Variants in SETX observed in about 807,000 individuals in gnomAD.
SETX encodes the protein helicase senataxin.
Under a neutral mutation model 227.2 loss-of-function variants are expected in SETX, and 90 were observed. The observed-to-expected ratio is 0.40, with a 90% CI of 0.33 to 0.47. The LOEUF (loss-of-function observed/expected upper bound fraction) is 0.47. SETX is among the 20% of genes least tolerant of loss of function. SETX has a pLI of 0.91. For missense variants in SETX, 3,052 were observed against 3,181.5 expected (o/e 0.96, Z 0.98); for synonymous variants, 1,210 against 1,113.2 (o/e 1.09, Z -1.73).
intron 7 of SETX, among the ~76,000 whole-genome samples, chr9:132,332,848 G>C (rs1346685902): frequency 6.6e-6 from 1 of 151,688 alleles, no homozygotes; most frequent in East Asian, 1.9e-4. Context: ...TTGAGCCTGG[G>C]AGGTTAAGGC....
At chr9:132,351,736 G>A (rs1403975334) in intron 2 of SETX, among the ~76,000 whole-genome samples, 2 of 152,184 alleles carry the variant, frequency 1.3e-5, no homozygotes, top group Non-Finnish European at 2.9e-5. Flanking sequence ...GAAAATTATT[G>A]CTTCTAAACT....
rs1213588784 is a variant in SETX, at chr9:132,333,402, A to ATATATATAT, written c.838+1205_838+1206insATATATATA. 1.7e-3 allele frequency among the ~76,000 whole-genome samples: 128 copies of ATATATATAT among 74,240 alleles called. 10 individuals are homozygous for ATATATATAT. The highest frequency in any genetic ancestry group is 8.5e-3 in the African/African-American group (124 of 14,552). The allele number at this position is 74,240 out of a possible 152,430, so 48.7% of individuals were successfully genotyped here. On this transcript the variant is annotated intron_variant, in intron 7 of 25. Transcript: ENST00000224140. ...CAAAAAGAAAAAAAAAAAAAAGAAA[A>ATATATATAT]AAAAAAATATATATACACACACACA...
intron 10 of SETX, among the ~76,000 whole-genome samples, chr9:132,314,865 C>A (rs1589709115): frequency 7.5e-6 from 1 of 134,064 alleles, no homozygotes; most frequent in South Asian, 2.4e-4. Flanking sequence ...CAAGAAAATT[C>A]TCTTTAAAAA....
intron 6 of SETX, among the ~76,000 whole-genome samples, chr9:132,335,431 A>G (rs1412281339): frequency 2.0e-5 from 3 of 150,562 alleles, no homozygotes; most frequent in Non-Finnish European, 4.4e-5. Flanking sequence ...TTTGAGCCAC[A>G]ATAGGACTTG....
intron 18 of SETX, among the ~76,000 whole-genome samples, chr9:132,283,621 C>T (rs149346970): frequency 2.4e-4 from 37 of 152,304 alleles, no homozygotes; most frequent in African/African-American, 8.2e-4. Flanking sequence ...TGCTTCGCGG[C>T]TGAAACACAG....
chr9:132,268,652 T>C (rs371671922), intron 25 of SETX, among the ~76,000 whole-genome samples: 4 of 152,208 alleles, frequency 2.6e-5, no homozygotes, highest in Non-Finnish European at 4.4e-5. Context: ...TAAAATAATA[T>C]TGCTTTCTAT....
intron 18 of SETX, among the ~76,000 whole-genome samples, chr9:132,286,157 T>TG: frequency 7.2e-6 from 1 of 139,330 alleles, no homozygotes; most frequent in African/African-American, 2.8e-5. Flanking sequence ...TACTCCAGTC[T>TG]GGTGACAGAG....
At position 132,329,716 on chromosome 9, in the gene SETX, C is replaced by T; in HGVS notation, c.1882G>A (p.Gly628Arg). The T allele has an allele frequency of 5.0e-6, 8 of 1,614,052 alleles. No homozygotes were observed. Among genetic ancestry groups the T allele is most frequent in the Non-Finnish European group, 5.9e-6 (7 of 1,180,010 alleles). The change falls in exon 10 of 26, where the codon GGG becomes AGG. Residue 628 changes from glycine to arginine, a missense_variant. Around this residue, in one of 10 missense-constraint regions of SETX, gnomAD observed 1,483 missense variants for 1,312.0 expected, o/e 1.13. Transcript: ENST00000224140. ...TGCATATCTTTTCTAGACGTCTTCC[C>T]CATTTGTTCACTTTCTTCTTTATTA... ...SYNKEESEQM[G>R]KTSRKDMHCL... is the part of the protein sequence containing the mutation.
intron 3 of SETX, among the ~76,000 whole-genome samples, chr9:132,347,587 G>A (rs892265780): frequency 2.0e-5 from 3 of 151,882 alleles, no homozygotes; most frequent in Admixed American, 6.6e-5. Context: ...TGGGATTACA[G>A]GTGTAAGCTA....
At chr9:132,324,251 C>A (rs989069175) in intron 10 of SETX, among the ~76,000 whole-genome samples, 3 of 151,782 alleles carry the variant, frequency 2.0e-5, no homozygotes, top group South Asian at 4.2e-4. Context: ...AACAAAAGTA[C>A]CTTAGGAAAA....
intron 6 of SETX, among the ~76,000 whole-genome samples, chr9:132,335,944 C>A (rs1229385867): frequency 1.3e-5 from 2 of 152,052 alleles, no homozygotes; most frequent in East Asian, 3.9e-4. Flanking sequence ...TTTTAGGACC[C>A]TCATAGGAAC....
Position 132,326,428 on chromosome 9 carries a change from T to C in SETX, c.5170A>G (p.Ser1724Gly), listed in dbSNP as rs780822566. ...LNFGQCGPPA[S>G]LCQSISRPVP... ...GGTCTTGAGATGGACTGACAAAGAC[T>C]TGCAGGGGGCCCACACTGACCAAAG... Residue 1724 changes from serine to glycine, a missense_variant, in exon 10 of 26, where the codon AGT (serine) becomes GGT (glycine). Physicochemically the swap from Ser to Gly is moderately conservative, Grantham distance 56. This residue lies in a region of SETX where 1,483 missense variants were observed against 1,312.0 expected (regional missense o/e 1.13). Coordinates refer to ENST00000224140, the MANE Select transcript of SETX (RefSeq NM_015046.7). 2.5e-6 allele frequency: 4 copies of C among 1,614,140 alleles called. No individual in the cohort carries two copies. Among genetic ancestry groups the C allele is most frequent in the Admixed American group, 3.3e-5 (2 of 60,026 alleles).
At chr9:132,289,890 T>A (rs1161230391) in intron 15 of SETX, among the ~76,000 whole-genome samples, 4 of 152,236 alleles carry the variant, frequency 2.6e-5, no homozygotes, top group African/African-American at 9.6e-5. Flanking sequence ...TCTTTTATTA[T>A]AATTTCTTCT....
At chr9:132,300,130 CAAAAAAAA>C (rs72582907) in intron 12 of SETX, among the ~76,000 whole-genome samples, 131 of 47,236 alleles carry the variant, frequency 2.8e-3, no homozygotes, top group African/African-American at 8.3e-3. Flanking sequence ...AACTCCGTCT[CAAAAAAAA>C]AAAAAAAAAA....
intron 19 of SETX, 33 bp from the exon 20 acceptor site, chr9:132,281,607 A>G (rs879065458): frequency 6.9e-7 from 1 of 1,444,570 alleles, no homozygotes; most frequent in South Asian, 1.1e-5. Flanking sequence ...AGGCAGTCTT[A>G]ACAATCTTTG....
At position 132,261,595 on chromosome 9, in the gene SETX, CATAGA is replaced by C. The variant is rs1357744971; in HGVS notation, c.*2639_*2643del. The C allele has an allele frequency of 6.5e-6, 1 of 152,720 alleles. No individual in the cohort carries two copies. The highest frequency in any genetic ancestry group is 1.9e-4 in the East Asian group (1 of 5,204). 9.5% of individuals were successfully genotyped at this position (152,720 alleles called of 1,614,324 possible). A position where few individuals can be genotyped will look rare whatever the true frequency, so the allele number is the denominator to read the frequency against. On this transcript the variant is annotated 3_prime_UTR_variant, in exon 26 of 26. Transcript: ENST00000224140. Reference sequence around the variant, plus strand: ...CCAAATCGCAGCTATTAATTCACAGCATAGAAAAGTCAAAGCTATAGCAAAAAATT... The same window carrying C: ...CCAAATCGCAGCTATTAATTCACAGCAAAGTCAAAGCTATAGCAAAAAATT...
At chr9:132,350,633 A>G (rs1848551334) in intron 2 of SETX, among the ~76,000 whole-genome samples, 1 of 152,202 alleles carries the variant, frequency 6.6e-6, no homozygotes, top group Non-Finnish European at 1.5e-5. Flanking sequence ...AATCAAATAC[A>G]TTGTCATATG....
At chr9:132,301,240 C>T (rs1055830927) in intron 11 of SETX, among the ~76,000 whole-genome samples, 3 of 151,770 alleles carry the variant, frequency 2.0e-5, no homozygotes, top group Admixed American at 1.3e-4. Flanking sequence ...GCGCCCGCCA[C>T]CACGCCCGGC....
intron 17 of SETX, among the ~76,000 whole-genome samples, chr9:132,287,766 C>A (rs796394218): frequency 1.3e-3 from 163 of 123,646 alleles, no homozygotes; most frequent in Middle Eastern, 4.2e-3. Context: ...ACCAAAAGGA[C>A]AAAAAAAAAA....
Sources: gnomAD v4.1 joint callset for allele counts (sites outside exome capture counted in the v4.1 genomes callset) on GRCh38, gnomAD v4.1.1 for gene constraint, gnomAD v4.1.1 regional missense constraint, MANE v1.5 for transcripts, NCBI Gene and HGNC (gene_info 2026-07-23, HGNC 2026-07-21) for gene names.